Variants in FBXL20 observed in about 807,000 individuals in gnomAD.
FBXL20 encodes the protein F-box and leucine rich repeat protein 20, also known as F-box/LRR-repeat protein 20.
Under a neutral mutation model 64.0 loss-of-function variants are expected in FBXL20, and 11 were observed. The observed-to-expected ratio is 0.17, with a 90% confidence interval of 0.11 to 0.28. The LOEUF is 0.28. Among genes scored for constraint, FBXL20 ranks in the 10% least tolerant of loss-of-function variants. The pLI, the probability that FBXL20 is intolerant of heterozygous loss-of-function variation, is 1.00. For missense variants in FBXL20, 303 were observed against 526.2 expected, an observed-to-expected ratio of 0.58 and a Z score of 4.15; for synonymous variants, 184 against 189.0, an observed-to-expected ratio of 0.97 and a Z score of 0.22.
At position 39,363,839 on chromosome 17, in the gene FBXL20, A is replaced by C. The variant is rs555760732; in HGVS notation, c.43-20598T>G. On this transcript the variant is annotated intron_variant, in intron 1 of 14. Transcript: ENST00000264658. Reference sequence around the variant, plus strand: ...AAAAAAAAAAAAACAAAAAACAAAAAAAAAAACAATAAAAAGTAAGTAATG... The same window carrying C: ...AAAAAAAAAAAAACAAAAAACAAAACAAAAAACAATAAAAAGTAAGTAATG... Among the ~76,000 whole-genome samples the C allele has an allele frequency of 4.4e-4, 65 of 148,478 alleles. 2 individuals are homozygous for C. Among genetic ancestry groups the C allele is most frequent in the African/African-American group, 1.5e-3 (61 of 40,548 alleles).
chr17:39,397,291 A>G (rs1003779506), intron 1 of FBXL20, among the ~76,000 whole-genome samples: 6 of 152,212 alleles, frequency 3.9e-5, no homozygotes, highest in African/African-American at 1.4e-4. Context: ...AATATTACAG[A>G]TTTATACGAA....
chr17:39,265,426 A>C lies in FBXL20; in HGVS notation c.961T>G (p.Ser321Ala). 4 of 1,611,858 alleles carry C rather than the reference A, an allele frequency of 2.5e-6. No homozygotes were observed. In the South Asian group the frequency reaches 4.4e-5, roughly 18 times the overall value. ...ACTTGAAGTCGAGGACAGTGTATAGAAAGTTGGATTAATGTGCTATCTGTT... is the reference window on the plus strand; with the variant it reads ...ACTTGAAGTCGAGGACAGTGTATAGCAAGTTGGATTAATGTGCTATCTGTT... ...QITDSTLIQL[S>A]IHCPRLQVLS... is the part of the protein sequence containing the mutation. The change falls in exon 13 of 15, where the codon TCT becomes GCT. Residue 321 changes from serine to alanine, a missense_variant. Transcript: ENST00000264658.
chr17:39,394,681 C>T (rs1053017270), intron 1 of FBXL20, among the ~76,000 whole-genome samples: 3 of 151,868 alleles, frequency 2.0e-5, no homozygotes, highest in African/African-American at 7.3e-5. Flanking sequence ...TCTCCCACCT[C>T]AGCCTTCTGA....
intron 2 of FBXL20, among the ~76,000 whole-genome samples, chr17:39,317,332 A>G (rs2047302852): frequency 6.6e-6 from 1 of 151,746 alleles, no homozygotes; most frequent in Admixed American, 6.6e-5. Context: ...CCGGGGTTCA[A>G]CTGATTCTCC....
intron 2 of FBXL20, among the ~76,000 whole-genome samples, chr17:39,326,558 G>T (rs957785921): frequency 6.6e-6 from 1 of 151,678 alleles, no homozygotes; most frequent in Admixed American, 6.6e-5. Context: ...GAATATCAAG[G>T]CTACAGTGAG....
At chr17:39,366,883 T>A (rs971853324) in intron 1 of FBXL20, among the ~76,000 whole-genome samples, 3 of 58,980 alleles carry the variant, frequency 5.1e-5, no homozygotes, top group South Asian at 5.6e-4. Flanking sequence ...CTATCAGTCC[T>A]TTTTTTTTTT....
intron 6 of FBXL20, among the ~76,000 whole-genome samples, chr17:39,294,778 G>A (rs1388982041): frequency 3.3e-5 from 5 of 152,084 alleles, no homozygotes; most frequent in Non-Finnish European, 7.4e-5. Flanking sequence ...TTGGGAGGCC[G>A]AGGTGGGCAG....
intron 2 of FBXL20, among the ~76,000 whole-genome samples, chr17:39,332,655 C>T (rs577296365): frequency 1.1e-4 from 17 of 151,602 alleles, no homozygotes; most frequent in Non-Finnish European, 1.0e-4. Flanking sequence ...CATTCGCCTG[C>T]CTCAGCCTCC....
chr17:39,366,426 G>T (rs1480254181), intron 1 of FBXL20, among the ~76,000 whole-genome samples: 3 of 152,110 alleles, frequency 2.0e-5, no homozygotes, highest in Non-Finnish European at 4.4e-5. Context: ...TACACTCTAA[G>T]AAATTCCCTA....
In FBXL20 at chr17:39,285,585, A is replaced by G. The variant is rs1272753301; in HGVS notation, c.399-12T>C. Reference sequence around the variant, plus strand: ...GGCTAGTACATGTACTGAAAAATGGAAAAAGGAGAAAATAATGAATAAACA... The same window carrying G: ...GGCTAGTACATGTACTGAAAAATGGGAAAAGGAGAAAATAATGAATAAACA... On this transcript the variant is annotated splice_polypyrimidine_tract_variant and intron_variant, in intron 6 of 14. Coordinates refer to ENST00000264658, the MANE Select transcript of FBXL20 (RefSeq NM_032875.3). The G allele has an allele frequency of 6.5e-7, 1 of 1,545,506 alleles. No homozygotes were observed. The highest frequency in any genetic ancestry group is 1.9e-5 in the Admixed American group (1 of 54,010).
At chr17:39,363,827 C>CAAAAAAAAAA (rs1555612706) in intron 1 of FBXL20, among the ~76,000 whole-genome samples, 1 of 78,004 alleles carries the variant, frequency 1.3e-5, no homozygotes, top group African/African-American at 5.4e-5. Context: ...AAAAAAAAAA[C>CAAAAAAAAAA]AAAAAACAAA....
chr17:39,325,373 CAT>C (rs2047399903), intron 2 of FBXL20, among the ~76,000 whole-genome samples: 2 of 152,246 alleles, frequency 1.3e-5, no homozygotes, highest in African/African-American at 4.8e-5. Flanking sequence ...AATAATCAAA[CAT>C]AAAATTGGTT....
intron 1 of FBXL20, among the ~76,000 whole-genome samples, chr17:39,347,686 T>TA (rs2047647582): frequency 6.6e-6 from 1 of 152,188 alleles, no homozygotes; most frequent in African/African-American, 2.4e-5. Context: ...CAGAAGCTCT[T>TA]TAGTTTAATT....
intron 1 of FBXL20, among the ~76,000 whole-genome samples, chr17:39,398,973 C>T (rs12947238): frequency 0.051 from 7,833 of 152,110 alleles, 664 homozygotes; most frequent in African/African-American, 0.18. Context: ...TCGCCCGGCC[C>T]CTTGGTTTTA....
At chr17:39,309,047 C>A (rs2047208631) in intron 2 of FBXL20, among the ~76,000 whole-genome samples, 1 of 152,082 alleles carries the variant, frequency 6.6e-6, no homozygotes, top group African/African-American at 2.4e-5. Context: ...TCTAGGATTC[C>A]TTATTAAAAA....
At chr17:39,314,670 G>A (rs1230232322) in intron 2 of FBXL20, among the ~76,000 whole-genome samples, 6 of 151,436 alleles carry the variant, frequency 4.0e-5, no homozygotes, top group African/African-American at 1.5e-4. Context: ...CAGTTATGTG[G>A]TATTTCTATA....
chr17:39,280,235 C>A (rs76136852), intron 9 of FBXL20, among the ~76,000 whole-genome samples: 1,227 of 104,720 alleles, frequency 0.012, no homozygotes, highest in African/African-American at 0.016. Flanking sequence ...GACTCCGTCT[C>A]AAAAAAAAAA....
intron 2 of FBXL20, among the ~76,000 whole-genome samples, chr17:39,309,885 A>AG (rs1221283795): frequency 6.6e-6 from 1 of 151,632 alleles, no homozygotes; most frequent in East Asian, 1.9e-4. Flanking sequence ...GTGGTGGCTC[A>AG]CACCTGTAAT....
intron 1 of FBXL20, among the ~76,000 whole-genome samples, chr17:39,388,391 G>A (rs1172349555): frequency 6.6e-6 from 1 of 151,982 alleles, no homozygotes; most frequent in Non-Finnish European, 1.5e-5. Context: ...CCTGGCAGGT[G>A]GAGGTTGCAG....
Sources: gnomAD v4.1 joint callset for allele counts (sites outside exome capture counted in the v4.1 genomes callset) on GRCh38, gnomAD v4.1.1 for gene constraint, MANE v1.5 for transcripts, NCBI Gene and HGNC (gene_info 2026-07-23, HGNC 2026-07-21) for gene names.